PTPN14: variants seen among roughly 807,000 people sequenced by gnomAD.
PTPN14 encodes protein tyrosine phosphatase non-receptor type 14, also known as tyrosine-protein phosphatase non-receptor type 14.
A neutral mutation model predicts 126.8 loss-of-function variants in PTPN14; 53 were observed. The observed-to-expected ratio is 0.42, with a 90% CI of 0.34 to 0.53. The LOEUF (loss-of-function observed/expected upper bound fraction) is 0.53, where lower values mean the gene tolerates loss of function less well. Among genes scored for constraint, PTPN14 ranks in the 20% least tolerant of loss-of-function variants. PTPN14 has a pLI of 0.08. For missense variants in PTPN14, 1,257 were observed against 1,552.9 expected (o/e 0.81, Z 3.20); for synonymous variants, 630 against 599.3 (o/e 1.05, Z -0.75).
At chr1:214,506,910 T>TTTC (rs1654858781) in intron 1 of PTPN14, among the ~76,000 whole-genome samples, 2 of 114,494 alleles carry the variant, frequency 1.7e-5, no homozygotes, top group Admixed American at 7.9e-5. Flanking sequence ...AGAGCGCGGG[T>TTTC]TTTTTTTTTT....
At chr1:214,374,443 C>T (rs779134451) in intron 15 of PTPN14, among the ~76,000 whole-genome samples, 65 of 152,136 alleles carry the variant, frequency 4.3e-4, no homozygotes, top group Non-Finnish European at 7.5e-4. Flanking sequence ...TAAATACTTC[C>T]AGAGAATGCT....
intron 1 of PTPN14, among the ~76,000 whole-genome samples, chr1:214,548,543 TA>T (rs1656027964): frequency 6.6e-6 from 1 of 152,228 alleles, no homozygotes. Context: ...TTCTCAGGCT[TA>T]AAATGAATTT....
intron 5 of PTPN14, among the ~76,000 whole-genome samples, chr1:214,408,947 G>A (rs1221640721): frequency 1.3e-5 from 2 of 152,014 alleles, no homozygotes; most frequent in Non-Finnish European, 2.9e-5. Context: ...TGTCTTTTTT[G>A]TTAAAACAAA....
chr1:214,548,597 T>C (rs1252242456), intron 1 of PTPN14, among the ~76,000 whole-genome samples: 2 of 152,156 alleles, frequency 1.3e-5, no homozygotes, highest in African/African-American at 4.8e-5. Flanking sequence ...GAAGCTCAAA[T>C]GCAAGAATTT....
intron 1 of PTPN14, among the ~76,000 whole-genome samples, chr1:214,536,712 C>T (rs977974341): frequency 1.1e-4 from 17 of 151,468 alleles, no homozygotes; most frequent in African/African-American, 3.9e-4. Context: ...AAGATCTTGT[C>T]TCAAAAAAAT....
intron 2 of PTPN14, among the ~76,000 whole-genome samples, chr1:214,454,573 C>A (rs572640884): frequency 6.6e-5 from 10 of 152,166 alleles, no homozygotes; most frequent in East Asian, 3.9e-4. Context: ...TACAGCTGCA[C>A]ATACACACAC....
At chr1:214,515,579 TC>T (rs1655079518) in intron 1 of PTPN14, among the ~76,000 whole-genome samples, 1 of 152,202 alleles carries the variant, frequency 6.6e-6, no homozygotes, top group Non-Finnish European at 1.5e-5. Flanking sequence ...AATAACAGCT[TC>T]CAATTCATAA....
intron 2 of PTPN14, among the ~76,000 whole-genome samples, chr1:214,462,881 A>C (rs1660543518): frequency 6.6e-6 from 1 of 152,200 alleles, no homozygotes; most frequent in Admixed American, 6.5e-5. Context: ...TTGTTTATTA[A>C]GACTCTCAAA....
chr1:214,523,241 C>CA (rs1433809421), intron 1 of PTPN14, among the ~76,000 whole-genome samples: 1 of 152,136 alleles, frequency 6.6e-6, no homozygotes, highest in Non-Finnish European at 1.5e-5. Flanking sequence ...CACATATCCC[C>CA]ATATCATCCC....
chr1:214,500,266 G>A (rs1457021777), intron 1 of PTPN14, among the ~76,000 whole-genome samples: 1 of 152,040 alleles, frequency 6.6e-6, no homozygotes, highest in Non-Finnish European at 1.5e-5. Flanking sequence ...AATCTTAGCA[G>A]CCTGGGACAA....
At chr1:214,381,997 T>C (rs1658483675) in intron 13 of PTPN14, among the ~76,000 whole-genome samples, 1 of 151,902 alleles carries the variant, frequency 6.6e-6, no homozygotes, top group Non-Finnish European at 1.5e-5. Context: ...CTCCGCCTTG[T>C]GGGTTCAAGT....
intron 1 of PTPN14, among the ~76,000 whole-genome samples, chr1:214,474,763 T>C (rs1660831858): frequency 6.6e-6 from 1 of 152,188 alleles, no homozygotes; most frequent in African/African-American, 2.4e-5. Context: ...GGCAATCTTC[T>C]AGGAGGACAA....
intron 3 of PTPN14, among the ~76,000 whole-genome samples, chr1:214,424,067 G>A (rs1659604996): frequency 6.6e-6 from 1 of 152,046 alleles, no homozygotes; most frequent in African/African-American, 2.4e-5. Flanking sequence ...GGAGCCTGAG[G>A]CAAGTGGATC....
At chr1:214,511,586 G>A (rs1213577265) in intron 1 of PTPN14, among the ~76,000 whole-genome samples, 1 of 152,130 alleles carries the variant, frequency 6.6e-6, no homozygotes, top group Non-Finnish European at 1.5e-5. Context: ...ACAGAATGGT[G>A]CAGCTGCTAC....
At chr1:214,432,660 T>C (rs1659821200) in intron 3 of PTPN14, among the ~76,000 whole-genome samples, 1 of 152,156 alleles carries the variant, frequency 6.6e-6, no homozygotes. Flanking sequence ...CACAACAATA[T>C]AGATGACTCA....
At chr1:214,411,543 T>G in intron 5 of PTPN14, 141 bp downstream of exon 5, 1 of 542,858 alleles carries the variant, frequency 1.8e-6, no homozygotes. Flanking sequence ...GTGTGTTTTA[T>G]AAAACTTGCC....
At chr1:214,432,492 A>G (rs183149307) in intron 3 of PTPN14, among the ~76,000 whole-genome samples, 44 of 152,376 alleles carry the variant, frequency 2.9e-4, no homozygotes, top group Non-Finnish European at 5.3e-4. Flanking sequence ...GAGACTGTCC[A>G]TAAGACATGT....
chr1:214,392,174 T>C (rs1327832605), intron 10 of PTPN14, among the ~76,000 whole-genome samples: 1 of 150,600 alleles, frequency 6.6e-6, no homozygotes, highest in Admixed American at 6.6e-5. Flanking sequence ...GCATATGGAA[T>C]TTAATGGGGG....
At chr1:214,388,182 T>C (rs928547298) in intron 11 of PTPN14, among the ~76,000 whole-genome samples, 7 of 152,198 alleles carry the variant, frequency 4.6e-5, no homozygotes, top group African/African-American at 7.2e-5. Context: ...TATGCACTAA[T>C]GTAATCTAGA....
Sources: allele counts gnomAD v4.1 joint callset (sites outside exome capture counted in the v4.1 genomes callset), GRCh38; gene constraint gnomAD v4.1.1; transcripts MANE v1.5; gene names NCBI Gene and HGNC (gene_info 2026-07-23, HGNC 2026-07-21).